Variants in WDPCP observed in about 807,000 individuals in gnomAD.
The protein encoded by WDPCP is WD repeat containing planar cell polarity effector, also known as WD repeat-containing and planar cell polarity effector protein fritz homolog.
In WDPCP, 71 loss-of-function variants were observed where a neutral mutation model predicts 93.1. The observed-to-expected ratio is 0.76, with a 90% CI of 0.63 to 0.93. WDPCP has a LOEUF of 0.93. Ranked by LOEUF, WDPCP falls within the 40% of genes least tolerant of loss-of-function variation. The pLI is 0.00. For synonymous variants in WDPCP, 315 were observed against 315.0 expected, an observed-to-expected ratio of 1.00 and a Z score of 0.00; for missense variants, 844 against 887.4, an observed-to-expected ratio of 0.95 and a Z score of 0.62.
intron 12 of WDPCP, among the ~76,000 whole-genome samples, chr2:63,377,551 T>C (rs1254757276): frequency 6.6e-6 from 1 of 151,140 alleles, no homozygotes; most frequent in Non-Finnish European, 1.5e-5. Context: ...TATTTAATAA[T>C]TTACTATACC....
At chr2:63,290,432 T>C (rs962615711) in intron 13 of WDPCP, among the ~76,000 whole-genome samples, 12 of 151,998 alleles carry the variant, frequency 7.9e-5, no homozygotes, top group Admixed American at 4.6e-4. Flanking sequence ...TTATTACTTT[T>C]GCTTTAAATA....
intron 13 of WDPCP, among the ~76,000 whole-genome samples, chr2:63,298,611 G>T (rs1347484717): frequency 6.6e-6 from 1 of 152,144 alleles, no homozygotes; most frequent in African/African-American, 2.4e-5. Flanking sequence ...ACTTACATCA[G>T]TGGTTTGCCA....
chr2:63,504,441 T>C (rs1446565), intron 1 of WDPCP, among the ~76,000 whole-genome samples: 121,524 of 151,214 alleles, frequency 0.8, 49,500 homozygotes, highest in East Asian at 0.98. Context: ...AGTCCATGTA[T>C]CTCCTCTCCC....
chr2:63,403,266 C>T (rs576397291), intron 10 of WDPCP, among the ~76,000 whole-genome samples: 6 of 151,960 alleles, frequency 3.9e-5, no homozygotes, highest in South Asian at 4.2e-4. Flanking sequence ...ACACTGGGGT[C>T]TACTTGAGGG....
intron 14 of WDPCP, among the ~76,000 whole-genome samples, chr2:63,201,976 T>C (rs1457497447): frequency 6.6e-6 from 1 of 152,082 alleles, no homozygotes; most frequent in Non-Finnish European, 1.5e-5. Flanking sequence ...TGTTTTTCTA[T>C]TTTCTAGATT....
chr2:63,807,683 A>G (rs1038814795), intron 2 of WDPCP, among the ~76,000 whole-genome samples: 56 of 152,330 alleles, frequency 3.7e-4, no homozygotes, highest in Non-Finnish European at 4.9e-4. Flanking sequence ...TAAAATCACT[A>G]TAAGTATGTT....
At chr2:63,343,155 C>T (rs1688962181) in intron 12 of WDPCP, among the ~76,000 whole-genome samples, 3 of 152,100 alleles carry the variant, frequency 2.0e-5, no homozygotes, top group Admixed American at 2.0e-4. Flanking sequence ...CTTGTACCAC[C>T]ACATCTGGCT....
chr2:63,708,262 T>C (rs947012980), intron 2 of WDPCP, among the ~76,000 whole-genome samples: 3 of 152,202 alleles, frequency 2.0e-5, no homozygotes, highest in African/African-American at 7.2e-5. Context: ...CCTTGAGTTG[T>C]GGTGGGCTCC....
At chr2:63,237,912 C>T (rs773377592) in intron 14 of WDPCP, among the ~76,000 whole-genome samples, 11 of 151,506 alleles carry the variant, frequency 7.3e-5, no homozygotes, top group East Asian at 5.8e-4. Flanking sequence ...CAATAGAAGC[C>T]GAAACCTCAG....
In WDPCP at chr2:63,342,899, T is replaced by A. The variant is rs573185974; in HGVS notation, c.1749-29588A>T. Among the ~76,000 whole-genome samples, 13 of 152,352 alleles carry A rather than the reference T, an allele frequency of 8.5e-5. No homozygotes were observed. The South Asian group carries it at 2.7e-3, about 32-fold the overall frequency. On this transcript the variant is annotated intron_variant, in intron 12 of 17. Transcript: ENST00000272321. The stretch of plus-strand genomic sequence containing the variant: ...AGTCTGAAGAACTCCTTTTAGCATT[T>A]CTTATAAGACACGTCTACTAGCAAA...
rs1282664258 is a variant in WDPCP, at chr2:63,751,405, G to A, written n.308+62217C>T. Reference sequence around the variant, plus strand: ...ACTATATTACATTTAGCAATCAACAGCATGGGTGCAAAAAAAAAATCTACA... The same window carrying A: ...ACTATATTACATTTAGCAATCAACAACATGGGTGCAAAAAAAAAATCTACA... On this transcript the variant is annotated intron_variant and non_coding_transcript_variant, in intron 2 of 4. Coordinates refer to the WDPCP transcript ENST00000467687. Among the ~76,000 whole-genome samples, 4 of 151,700 alleles carry A rather than the reference G, an allele frequency of 2.6e-5. No homozygotes were observed. The East Asian group carries it at 7.7e-4, about 29-fold the overall frequency.
intron 3 of WDPCP, among the ~76,000 whole-genome samples, chr2:63,609,973 T>G (rs1709598404): frequency 6.6e-6 from 1 of 152,230 alleles, no homozygotes; most frequent in South Asian, 2.1e-4. Flanking sequence ...TCACCAACTT[T>G]GCCTTTGAAG....
chr2:63,210,611 G>A (rs1676702314), intron 14 of WDPCP, among the ~76,000 whole-genome samples: 1 of 152,132 alleles, frequency 6.6e-6, no homozygotes, highest in Non-Finnish European at 1.5e-5. Flanking sequence ...AGTGGGTGCA[G>A]GACAGTGGGT....
chr2:63,259,126 C>G (rs1437904538), intron 14 of WDPCP, among the ~76,000 whole-genome samples, 181 bp downstream of exon 14: 1 of 152,168 alleles, frequency 6.6e-6, no homozygotes, highest in Non-Finnish European at 1.5e-5. Flanking sequence ...CACATAAACA[C>G]AATTCCAACT....
At chr2:63,231,772 T>C (rs919741281) in intron 14 of WDPCP, among the ~76,000 whole-genome samples, 2 of 152,118 alleles carry the variant, frequency 1.3e-5, no homozygotes, top group African/African-American at 4.8e-5. Flanking sequence ...AATTTATAGA[T>C]TCAATGCCAT....
intron 2 of WDPCP, among the ~76,000 whole-genome samples, chr2:63,809,870 C>T (rs1322516295): frequency 6.6e-6 from 1 of 151,484 alleles, no homozygotes; most frequent in Non-Finnish European, 1.5e-5. Flanking sequence ...ATGACCCTGC[C>T]AAATCCCCCT....
At chr2:63,641,735 C>G (rs1489070202) in intron 3 of WDPCP, among the ~76,000 whole-genome samples, 4 of 152,126 alleles carry the variant, frequency 2.6e-5, no homozygotes. Flanking sequence ...TTCTCCCATT[C>G]TAGTAGTTGT....
At chr2:63,723,316 T>C (rs1669454275) in intron 2 of WDPCP, among the ~76,000 whole-genome samples, 2 of 151,900 alleles carry the variant, frequency 1.3e-5, no homozygotes, top group South Asian at 4.2e-4. Flanking sequence ...GAATGCTCCC[T>C]TTTTCTCACC....
chr2:63,651,495 A>G (rs1710109335), intron 2 of WDPCP, among the ~76,000 whole-genome samples: 1 of 148,152 alleles, frequency 6.7e-6, no homozygotes, highest in Non-Finnish European at 1.5e-5. Flanking sequence ...TTTAAGAAAT[A>G]AGAAATTGGC....
Sources: allele counts gnomAD v4.1 joint callset (sites outside exome capture counted in the v4.1 genomes callset), GRCh38; gene constraint gnomAD v4.1.1; transcripts MANE v1.5; gene names NCBI Gene and HGNC (gene_info 2026-07-23, HGNC 2026-07-21).